The following MDFIC2 variants were observed in gnomAD, a reference collection of about 807,000 sequenced individuals.
MDFIC2 encodes the protein MyoD family inhibitor domain containing 2.
intron 2 of MDFIC2, among the ~76,000 whole-genome samples, chr3:70,222,780 T>C (rs1701472624): frequency 6.6e-6 from 1 of 152,134 alleles, no homozygotes; most frequent in Non-Finnish European, 1.5e-5. Context: ...TAAATAATTG[T>C]GGTAGACTGG....
chr3:70,212,623 G>C (rs919350000), intron 2 of MDFIC2, among the ~76,000 whole-genome samples: 7 of 151,968 alleles, frequency 4.6e-5, no homozygotes, highest in African/African-American at 1.7e-4. Context: ...CATTGGCTCT[G>C]AATACAGTGA....
At chr3:70,274,651 G>T (rs372004426) in intron 2 of MDFIC2, among the ~76,000 whole-genome samples, 10 of 152,110 alleles carry the variant, frequency 6.6e-5, no homozygotes, top group Non-Finnish European at 1.5e-4. Context: ...TGGGGAGGGA[G>T]AGCTTAATAC....
chr3:70,239,800 C>T (rs1315486402), intron 2 of MDFIC2, among the ~76,000 whole-genome samples: 2 of 152,040 alleles, frequency 1.3e-5, no homozygotes, highest in Admixed American at 6.6e-5. Flanking sequence ...AGTGACGTCT[C>T]GTTCAACTCA....
chr3:70,234,633 C>T (rs1701590511), intron 2 of MDFIC2, among the ~76,000 whole-genome samples: 1 of 147,762 alleles, frequency 6.8e-6, no homozygotes, highest in East Asian at 2.0e-4. Flanking sequence ...AAGTGAGACC[C>T]TGGCTCAAAA....
At chr3:70,303,649 T>C (rs768924572) in intron 2 of MDFIC2, among the ~76,000 whole-genome samples, 28 of 152,280 alleles carry the variant, frequency 1.8e-4, no homozygotes, top group Non-Finnish European at 3.2e-4. Context: ...TGCTGAATTT[T>C]GAAAGTAATG....
At chr3:70,269,423 G>A (rs1701954160) in intron 2 of MDFIC2, among the ~76,000 whole-genome samples, 1 of 152,142 alleles carries the variant, frequency 6.6e-6, no homozygotes, top group African/African-American at 2.4e-5. Flanking sequence ...GCCAATCAAA[G>A]GCAGTCAACT....
intron 2 of MDFIC2, among the ~76,000 whole-genome samples, chr3:70,240,718 A>G (rs1701659367): frequency 6.6e-6 from 1 of 152,146 alleles, no homozygotes; most frequent in Non-Finnish European, 1.5e-5. Context: ...AACATGGTGC[A>G]TTTCAGAAAC....
chr3:70,303,791 C>T (rs1285454729), intron 2 of MDFIC2, among the ~76,000 whole-genome samples: 1 of 152,222 alleles, frequency 6.6e-6, no homozygotes, highest in East Asian at 1.9e-4. Context: ...CAGAGATTCT[C>T]TTGCCTCAGC....
intron 2 of MDFIC2, among the ~76,000 whole-genome samples, chr3:70,306,499 A>G (rs1702402385): frequency 6.6e-6 from 1 of 151,308 alleles, no homozygotes; most frequent in African/African-American, 2.4e-5. Context: ...TAACTACAGA[A>G]CTCTCATCTT....
chr3:70,195,262 G>C lies in MDFIC2; in HGVS notation c.*1664C>G, dbSNP rs1198058432. Among the ~76,000 whole-genome samples, 1 of 152,046 alleles carries C rather than the reference G, an allele frequency of 6.6e-6. No homozygotes were observed. The highest frequency in any genetic ancestry group is 1.5e-5 in the Non-Finnish European group (1 of 68,008). ...ACAAGTTCTATGCATTGAGTATAGA[G>C]CTGTTTCTTCGAGCTTCTGAAAAGC... On this transcript the variant is annotated 3_prime_UTR_variant, in exon 4 of 4. Coordinates refer to ENST00000567252, the MANE Select transcript of MDFIC2 (RefSeq NM_001364677.1).
intron 2 of MDFIC2, among the ~76,000 whole-genome samples, chr3:70,253,360 T>C (rs1434433171): frequency 2.6e-5 from 4 of 151,980 alleles, no homozygotes; most frequent in Admixed American, 2.6e-4. Context: ...GGGGGATAAA[T>C]GTGCAAGGGG....
chr3:70,253,035 A>G (rs73119961), intron 2 of MDFIC2, among the ~76,000 whole-genome samples: 1 of 152,102 alleles, frequency 6.6e-6, no homozygotes, highest in East Asian at 1.9e-4. Context: ...AGCTGAGATC[A>G]CACCATTGTA....
intron 2 of MDFIC2, among the ~76,000 whole-genome samples, chr3:70,275,494 G>A (rs1474821383): frequency 6.6e-6 from 1 of 152,150 alleles, no homozygotes; most frequent in Non-Finnish European, 1.5e-5. Flanking sequence ...CAGAGCCTAG[G>A]TGGCAAAGCA....
intron 2 of MDFIC2, among the ~76,000 whole-genome samples, chr3:70,255,319 G>C (rs1701805609): frequency 6.6e-6 from 1 of 152,180 alleles, no homozygotes; most frequent in South Asian, 2.1e-4. Context: ...TTTATAGTCA[G>C]TAAAAGTGCA....
At chr3:70,272,458 C>T (rs941572411) in intron 2 of MDFIC2, 33 of 152,344 alleles carry the variant, frequency 2.2e-4, no homozygotes, top group African/African-American at 7.7e-4. Flanking sequence ...AATGCTGGGG[C>T]ATAATCCATT....
intron 2 of MDFIC2, among the ~76,000 whole-genome samples, chr3:70,286,971 G>A (rs192122371): frequency 0.011 from 1,655 of 149,838 alleles, 25 homozygotes; most frequent in African/African-American, 0.038. Context: ...AGACAATGGC[G>A]TTTTCTAGAT....
chr3:70,293,946 G>T (rs1190054119), intron 2 of MDFIC2, among the ~76,000 whole-genome samples: 1 of 151,998 alleles, frequency 6.6e-6, no homozygotes, highest in African/African-American at 2.4e-5. Flanking sequence ...GTTATCTGAT[G>T]ACAGAGGGAG....
chr3:70,194,530 C>A lies in MDFIC2; in HGVS notation c.*2396G>T, dbSNP rs1451097059. ...TATTGGTTATAAAGAAAAGAAATTT[C>A]ACACTTTGTATAACCGACCCTTTCT... On this transcript the variant is annotated 3_prime_UTR_variant, in exon 4 of 4. Transcript: ENST00000567252. 6.6e-6 allele frequency among the ~76,000 whole-genome samples: 1 copy of A among 152,178 alleles called. No homozygotes were observed. Among genetic ancestry groups the A allele is most frequent in the Non-Finnish European group, 1.5e-5 (1 of 68,030 alleles).
intron 2 of MDFIC2, among the ~76,000 whole-genome samples, chr3:70,241,489 G>T (rs1701667074): frequency 6.6e-6 from 1 of 152,112 alleles, no homozygotes; most frequent in Non-Finnish European, 1.5e-5. Flanking sequence ...GTAATGGGAG[G>T]TATGGTAGGA....
Sources: gnomAD v4.1 joint callset for allele counts (sites outside exome capture counted in the v4.1 genomes callset) on GRCh38, gnomAD v4.1.1 for gene constraint, MANE v1.5 for transcripts, NCBI Gene and HGNC (gene_info 2026-07-23, HGNC 2026-07-21) for gene names.